Variants in ANXA6 observed in about 807,000 individuals in gnomAD.
ANXA6 encodes annexin A6.
Under a neutral mutation model 95.4 loss-of-function variants are expected in ANXA6, and 71 were observed. The observed-to-expected ratio is 0.74, with a 90% CI of 0.61 to 0.91. The LOEUF is 0.91. ANXA6 is among the 40% of genes least tolerant of loss of function. The pLI is 0.00. For missense variants in ANXA6, 830 were observed against 876.4 expected, an observed-to-expected ratio of 0.95 and a Z score of 0.67; for synonymous variants, 289 against 315.9, an observed-to-expected ratio of 0.91 and a Z score of 0.90.
chr5:151,104,588 C>A (rs770946280), intron 24 of ANXA6, among the ~76,000 whole-genome samples: 1 of 152,188 alleles, frequency 6.6e-6, no homozygotes, highest in African/African-American at 2.4e-5. Context: ...CTTGACACAT[C>A]GTGAGTGCTC....
chr5:151,130,578 T>C (rs1765467083), intron 11 of ANXA6, among the ~76,000 whole-genome samples: 1 of 152,234 alleles, frequency 6.6e-6, no homozygotes. Flanking sequence ...GCATTCTTAA[T>C]GAATTCATGC....
At chr5:151,133,916 G>A (rs1031199854) in intron 8 of ANXA6, among the ~76,000 whole-genome samples, 5 of 152,006 alleles carry the variant, frequency 3.3e-5, no homozygotes, top group African/African-American at 1.2e-4. Flanking sequence ...TTCTTCACCT[G>A]TCTATCTCCA....
chr5:151,140,471 C>T (rs1765799523), intron 2 of ANXA6: 1 of 526,746 alleles, frequency 1.9e-6, no homozygotes, highest in Admixed American at 3.1e-5. Flanking sequence ...GGGGCTTGGC[C>T]AAGGCCTGCA....
chr5:151,123,133 G>A, intron 15 of ANXA6, 122 bp from the exon 16 acceptor site: 1 of 804,016 alleles, frequency 1.2e-6, no homozygotes. Context: ...AAGCGGCCAT[G>A]TGCTCCTGAG....
chr5:151,103,953 G>C (rs545023619), intron 24 of ANXA6, among the ~76,000 whole-genome samples: 10 of 152,318 alleles, frequency 6.6e-5, no homozygotes, highest in African/African-American at 2.2e-4. Flanking sequence ...ATGTAATTTG[G>C]AAATAAGGTA....
intron 12 of ANXA6, 110 bp from the exon 13 acceptor site, chr5:151,128,349 A>T: frequency 1.1e-6 from 1 of 926,738 alleles, no homozygotes; most frequent in Non-Finnish European, 1.7e-6. Flanking sequence ...ATGAACACTT[A>T]TTCATAGCAG....
At chr5:151,150,811 G>A (rs568429895) in intron 1 of ANXA6, 2 of 152,600 alleles carry the variant, frequency 1.3e-5, no homozygotes, top group African/African-American at 4.8e-5. Context: ...GGGATAGTAG[G>A]GGGAGACAGT....
At chr5:151,145,047 C>T (rs1448080733) in intron 2 of ANXA6, among the ~76,000 whole-genome samples, 3 of 152,220 alleles carry the variant, frequency 2.0e-5, no homozygotes, top group Non-Finnish European at 2.9e-5. Flanking sequence ...CTGCCTGTCA[C>T]ACCTCCGGCA....
intron 14 of ANXA6, 41 bp from the exon 15 acceptor site, chr5:151,124,408 C>T (rs1223297028): frequency 6.4e-7 from 1 of 1,566,988 alleles, no homozygotes; most frequent in Non-Finnish European, 8.7e-7. Flanking sequence ...GTCTGAAGGC[C>T]CCCCTGGGGA....
intron 2 of ANXA6, chr5:151,141,731 A>G (rs933390435): frequency 1.0e-6 from 1 of 985,292 alleles, no homozygotes; most frequent in African/African-American, 1.7e-5. Context: ...ACCAGAAAGG[A>G]ACACAGCTCT....
chr5:151,133,182 T>G lies in ANXA6; in HGVS notation c.552A>C (p.Leu184=). ...CCCATTTCAGTTCCCCTGCCTCGTA[T>G]AGGTCCTGAAGGGGAAGAGGTGGCA... ...EDLVQQDVQD[L]YEAGELKWGT... is the part of the protein sequence containing the mutation. Residue 184 remains leucine (L), a synonymous_variant, in exon 9 of 26, where the codon CTA becomes CTC. Transcript: ENST00000354546. 6.3e-7 allele frequency: 1 copy of G among 1,581,930 alleles called. No homozygotes were observed. Among genetic ancestry groups the G allele is most frequent in the South Asian group, 1.2e-5 (1 of 86,230 alleles).
chr5:151,140,532 G>A, intron 2 of ANXA6: 1 of 247,314 alleles, frequency 4.0e-6, no homozygotes, highest in Non-Finnish European at 8.0e-6. Context: ...AAGCCTGGCT[G>A]AGTATAGGAG....
In ANXA6 at chr5:151,133,169, C is replaced by A; in HGVS notation, c.565G>T (p.Glu189Ter). 6.3e-7 allele frequency: 1 copy of A among 1,591,282 alleles called. No homozygotes were observed. Among genetic ancestry groups the A allele is most frequent in the Non-Finnish European group, 8.6e-7 (1 of 1,168,092 alleles). The change falls in exon 9 of 26, where the codon GAA becomes TAA. Residue 189 changes from glutamate (E) to a stop codon, truncating the protein, a stop_gained. Coordinates refer to ENST00000354546, the MANE Select transcript of ANXA6 (RefSeq NM_001155.5). LOFTEE classifies it high-confidence loss of function. ...GCTTCATCTGTTCCCCATTTCAGTT[C>A]CCCTGCCTCGTATAGGTCCTGAAGG... Reference protein sequence around the residue: ...QDVQDLYEAGELKWGTDEAQF... With the variant: ...QDVQDLYEAG
intron 1 of ANXA6, among the ~76,000 whole-genome samples, chr5:151,153,688 A>C (rs1270722473): frequency 6.6e-6 from 1 of 152,242 alleles, no homozygotes; most frequent in Non-Finnish European, 1.5e-5. Context: ...ATGGTAACAC[A>C]AAGTAATTCT....
At chr5:151,157,462 CCTCCGCCCGCGCCT>C (rs1306853395) in intron 1 of ANXA6, among the ~76,000 whole-genome samples, 1 of 152,222 alleles carries the variant, frequency 6.6e-6, no homozygotes, top group African/African-American at 2.4e-5. Flanking sequence ...GCCAGGGCGC[CCTCCGCCCGCGCCT>C]CTCCGCCCCG....
chr5:151,111,929 C>A (rs746618439), intron 20 of ANXA6, among the ~76,000 whole-genome samples: 1 of 152,150 alleles, frequency 6.6e-6, no homozygotes, highest in Admixed American at 6.5e-5. Context: ...GCTGGGATTA[C>A]ATGTGCATGC....
chr5:151,105,171 G>T, intron 24 of ANXA6, 74 bp downstream of exon 24: 1 of 1,353,046 alleles, frequency 7.4e-7, no homozygotes, highest in Non-Finnish European at 1.1e-6. Context: ...CTGGGGGATG[G>T]TGCACATCTG....
At chr5:151,126,564 A>G in intron 13 of ANXA6, 84 bp from the exon 14 acceptor site, 1 of 787,768 alleles carries the variant, frequency 1.3e-6, no homozygotes, top group Non-Finnish European at 2.0e-6. Flanking sequence ...ACACACACAC[A>G]CACACACCCC....
At chr5:151,108,602 G>A (rs761153470) in intron 22 of ANXA6, 52 bp from the exon 23 acceptor site, 70 of 1,514,994 alleles carry the variant, frequency 4.6e-5, no homozygotes, top group East Asian at 6.8e-5. Flanking sequence ...TGCAGGAGGC[G>A]GAGGACCCCT....
Sources: allele counts gnomAD v4.1 joint callset (sites outside exome capture counted in the v4.1 genomes callset), GRCh38; gene constraint gnomAD v4.1.1; transcripts MANE v1.5; gene names NCBI Gene and HGNC (gene_info 2026-07-23, HGNC 2026-07-21).